The following SLC16A5 variants were observed in gnomAD, a reference collection of about 807,000 sequenced individuals.
The protein encoded by SLC16A5 is solute carrier family 16 member 5.
In SLC16A5, 29 loss-of-function variants were observed where a neutral mutation model predicts 33.2. The ratio of observed to expected loss-of-function variants is 0.87; its 90% CI spans 0.65 to 1.19. The LOEUF (loss-of-function observed/expected upper bound fraction) is 1.19. Ranked by LOEUF, SLC16A5 falls within the 50% of genes most tolerant of loss-of-function variation. The pLI, the probability that SLC16A5 is intolerant of heterozygous loss-of-function variation, is 0.00. For missense variants in SLC16A5, 606 were observed against 678.2 expected (o/e 0.89, Z 1.18); for synonymous variants, 248 against 284.1 (o/e 0.87, Z 1.28).
At chr17:75,106,757 T>C (rs1334690776), downstream of SLC16A5, among the ~76,000 whole-genome samples, 2 of 151,358 alleles carry the variant, frequency 1.3e-5, no homozygotes, top group East Asian at 3.9e-4. Flanking sequence ...TAGCCAGGCG[T>C]GGTAGCAGTC....
chr17:75,098,201 C>T lies in SLC16A5; in HGVS notation c.343+20C>T, dbSNP rs750304475. The T allele has an allele frequency of 9.9e-6, 16 of 1,611,540 alleles. No homozygotes were observed. The highest frequency in any genetic ancestry group is 1.7e-4 in the Middle Eastern group (1 of 6,052). On this transcript the variant is annotated intron_variant, in intron 4 of 6. Coordinates refer to ENST00000329783, the MANE Select transcript of SLC16A5 (RefSeq NM_004695.4). ...TCACAGGTGACTATCACTTCATCTC[C>T]AGAATTTATAGGCACCTGCTAGAAA...
At chr17:75,092,846 TG>T in intron 2 of SLC16A5, among the ~76,000 whole-genome samples, 1 of 146,668 alleles carries the variant, frequency 6.8e-6, no homozygotes, top group Non-Finnish European at 1.5e-5. Flanking sequence ...TGTGTGTGTG[TG>T]TGTGTGTGTG....
At chr17:75,108,433 A>C (rs984257193), downstream of SLC16A5, among the ~76,000 whole-genome samples, 1 of 152,168 alleles carries the variant, frequency 6.6e-6, no homozygotes, top group Non-Finnish European at 1.5e-5. Context: ...GAGGGTGTAC[A>C]TAGGGCAGGG....
rs536319158 is a variant in SLC16A5 at position 75,100,068 on chromosome 17, C to A, written c.405C>A (p.Arg135=). Residue 135 remains arginine (R), a synonymous_variant, in exon 5 of 7, where the codon CGC becomes CGA. Transcript: ENST00000329783. ...CGGTGCTGGGCTTCTACTTTGTCCGCCGGCGGGTGCTGGCCAACGCGCTGG... is the reference window on the plus strand; with the variant it reads ...CGGTGCTGGGCTTCTACTTTGTCCGACGGCGGGTGCTGGCCAACGCGCTGG... ...SITVLGFYFV[R]RRVLANALAS... is the part of the protein sequence containing the mutation. 1 of 1,613,572 alleles carries A rather than the reference C, an allele frequency of 6.2e-7. No homozygotes were observed. The highest frequency in any genetic ancestry group is 2.2e-5 in the East Asian group (1 of 44,890).
At chr17:75,109,497 C>T (rs548530058), downstream of SLC16A5, among the ~76,000 whole-genome samples, 204 of 152,354 alleles carry the variant, frequency 1.3e-3, no homozygotes, top group Non-Finnish European at 2.3e-3. This position sits in a 1 kb window ranked among gnomAD's most constrained non-coding sequence, Gnocchi z 5.0. Context: ...GTGCTTCTGC[C>T]TCGACGTCCT....
At chr17:75,090,506 G>T (rs1168525551) in intron 2 of SLC16A5, among the ~76,000 whole-genome samples, 23 of 149,772 alleles carry the variant, frequency 1.5e-4, no homozygotes, top group African/African-American at 2.5e-5. Context: ...TGTTGCCCAG[G>T]CTGGAGTGTA....
In SLC16A5 at chr17:75,102,333, G is replaced by A. The variant is rs11659096; in HGVS notation, c.1153+1517G>A. Among the ~76,000 whole-genome samples, 480 of 152,228 alleles carry A rather than the reference G, an allele frequency of 3.2e-3. 3 individuals are homozygous for A. Among genetic ancestry groups the A allele is most frequent in the East Asian group, 0.026 (134 of 5,174 alleles). On this transcript the variant is annotated intron_variant, in intron 5 of 6. Coordinates refer to ENST00000329783, the MANE Select transcript of SLC16A5 (RefSeq NM_004695.4). ...TGAGGCAGGAGAATTGCTTAAACCCGGGAGGTGGAGGTTACAGTGAACCAA... is the reference window on the plus strand; with the variant it reads ...TGAGGCAGGAGAATTGCTTAAACCCAGGAGGTGGAGGTTACAGTGAACCAA...
At position 75,105,914 on chromosome 17, in the gene SLC16A5, G is replaced by A. The variant is rs371131935; in HGVS notation, c.1399G>A (p.Val467Ile). Residue 467 changes from valine (V) to isoleucine (I), a missense_variant, in exon 7 of 7, where the codon GTC (valine) becomes ATC (isoleucine). Coordinates refer to ENST00000329783, the MANE Select transcript of SLC16A5 (RefSeq NM_004695.4). ...TTCCCGCCAGCCACGTCCAGCTGGC[G>A]TCAATAAGCATCTTTGGGGATGTCC... ...QSSRQPRPAG[V>I]NKHLWGCPAS... The A allele has an allele frequency of 1.6e-5, 26 of 1,608,658 alleles. No individual in the cohort carries two copies. The highest frequency in any genetic ancestry group is 7.7e-5 in the South Asian group (7 of 90,642).
chr17:75,093,404 G>T (rs1265390840), intron 2 of SLC16A5, 185 bp from the exon 3 acceptor site: 6 of 1,535,720 alleles, frequency 3.9e-6, no homozygotes, highest in Non-Finnish European at 5.2e-6. Context: ...CTGGGAAGTG[G>T]GTGAAAGGAG....
intron 4 of SLC16A5, among the ~76,000 whole-genome samples, chr17:75,099,346 CTG>C (rs1377727178): frequency 3.3e-5 from 5 of 152,092 alleles, no homozygotes; most frequent in Non-Finnish European, 5.9e-5. Flanking sequence ...ATTGTGGAGA[CTG>C]TGGATTTTTT....
intron 3 of SLC16A5, among the ~76,000 whole-genome samples, chr17:75,096,465 G>A (rs570358335): frequency 1.3e-5 from 2 of 151,262 alleles, no homozygotes; most frequent in African/African-American, 2.4e-5. Context: ...CAGAGACGCC[G>A]GGCCACCAGC....
In SLC16A5 at chr17:75,103,928, G is replaced by T. The variant is rs1053924515; in HGVS notation, c.1154-42G>T. 14 of 1,556,278 alleles carry T rather than the reference G, an allele frequency of 9.0e-6. No homozygotes were observed. The African/African-American group carries it at 9.5e-5, about 11-fold the overall frequency. ...AGGGAACACACAGCTGAGTTGGGGGGAGGCCTGGTAGCACTGGCCTAACTT... is the reference window on the plus strand; with the variant it reads ...AGGGAACACACAGCTGAGTTGGGGGTAGGCCTGGTAGCACTGGCCTAACTT... On this transcript the variant is annotated intron_variant, in intron 5 of 6. Transcript: ENST00000329783.
intron 2 of SLC16A5, among the ~76,000 whole-genome samples, chr17:75,090,608 G>GC: frequency 6.6e-6 from 1 of 151,948 alleles, no homozygotes; most frequent in South Asian, 2.1e-4. Flanking sequence ...CTACAGGCGA[G>GC]CCCCACCACG....
In SLC16A5 at chr17:75,106,148, T is replaced by C; in HGVS notation, c.*115T>C. Reference sequence around the variant, plus strand: ...GTTAGAGCAAAATAATAAAATTTAATTTTAAAAAAGAAAACGTAGGAGGTT... The same window carrying C: ...GTTAGAGCAAAATAATAAAATTTAACTTTAAAAAAGAAAACGTAGGAGGTT... On this transcript the variant is annotated 3_prime_UTR_variant, in exon 7 of 7. Transcript: ENST00000329783. 1.9e-6 allele frequency: 1 copy of C among 518,450 alleles called. No individual in the cohort carries two copies. Among genetic ancestry groups the C allele is most frequent in the Non-Finnish European group, 3.4e-6 (1 of 297,608 alleles). 32.1% of individuals were successfully genotyped at this position (518,450 alleles called of 1,614,324 possible). A position where few individuals can be genotyped will look rare whatever the true frequency, so the allele number is the denominator to read the frequency against.
Position 75,105,870 on chromosome 17 carries a change from T to C in SLC16A5, c.1365-10T>C, listed in dbSNP as rs2073856085. 6.3e-7 allele frequency: 1 copy of C among 1,584,366 alleles called. No individual in the cohort carries two copies. The highest frequency in any genetic ancestry group is 8.6e-7 in the Non-Finnish European group (1 of 1,162,064). On this transcript the variant is annotated splice_polypyrimidine_tract_variant and intron_variant, in intron 6 of 6. Transcript: ENST00000329783. ...AAAACCTTATCAGGAGATTTTATTT[T>C]CATGAACAGGTGCCAGTCTTCCCGC... is the stretch of plus-strand genomic sequence containing the variant.
intron 3 of SLC16A5, among the ~76,000 whole-genome samples, chr17:75,095,520 CAG>C (rs1463304536): frequency 6.6e-6 from 1 of 152,140 alleles, no homozygotes; most frequent in African/African-American, 2.4e-5. Flanking sequence ...ATTTTTGAGA[CAG>C]AGTCTCACTC....
intron 2 of SLC16A5, among the ~76,000 whole-genome samples, chr17:75,090,650 G>A (rs185334911): frequency 4.0e-5 from 6 of 151,602 alleles, no homozygotes; most frequent in African/African-American, 7.3e-5. Flanking sequence ...TAGTAGAGAC[G>A]GGGTTTCACT....
chr17:75,100,838 C>T, intron 5 of SLC16A5, 22 bp downstream of exon 5: 2 of 1,545,634 alleles, frequency 1.3e-6, no homozygotes, highest in Non-Finnish European at 1.8e-6. Flanking sequence ...GGAGGGAGGG[C>T]AGCCAGATAG....
chr17:75,088,987 A>G (rs1046380042), intron 1 of SLC16A5, 164 bp from the exon 2 acceptor site: 1 of 152,208 alleles, frequency 6.6e-6, no homozygotes, highest in Admixed American at 6.5e-5. Context: ...ACTGTGCTAC[A>G]AAGCTGGTCT....
Sources: allele counts gnomAD v4.1 joint callset (sites outside exome capture counted in the v4.1 genomes callset), GRCh38; gene constraint gnomAD v4.1.1; non-coding constraint Gnocchi (gnomAD v3.1); transcripts MANE v1.5; gene names NCBI Gene and HGNC (gene_info 2026-07-23, HGNC 2026-07-21).